The following GRK2 variants were observed in gnomAD, a reference collection of about 807,000 sequenced individuals.
GRK2 encodes adrenergic beta receptor kinase 1.
A neutral mutation model predicts 97.8 loss-of-function variants in GRK2; 23 were observed. That is an observed-to-expected ratio of 0.24 (90% confidence interval 0.17 to 0.33). The LOEUF is 0.33. Among genes scored for constraint, GRK2 ranks in the 10% least tolerant of loss-of-function variants. The pLI is 1.00. For missense variants in GRK2, 633 were observed against 956.9 expected, an observed-to-expected ratio of 0.66 and a Z score of 4.47; for synonymous variants, 425 against 381.7, an observed-to-expected ratio of 1.11 and a Z score of -1.32.
Position 67,276,911 on chromosome 11 carries a change from A to G in GRK2, c.114-361A>G, listed in dbSNP as rs1292993381. On this transcript the variant is annotated intron_variant, in intron 1 of 20. Transcript: ENST00000308595. This position sits in a 1 kb window ranked among gnomAD's most constrained non-coding sequence, Gnocchi z 4.2. ...ATGTGCTGCTGCGTGGAGATGCCAC[A>G]TGTGTGTCTTTTCATCCGCTCACAA... 4 of 189,510 alleles carry G rather than the reference A, an allele frequency of 2.1e-5. No homozygotes were observed. The highest frequency in any genetic ancestry group is 3.3e-5 in the Non-Finnish European group (3 of 90,772). 11.7% of individuals were successfully genotyped at this position (189,510 alleles called of 1,614,324 possible).
rs932504950 is a variant in GRK2 at position 67,269,003 on chromosome 11, G to A, written c.113+2191G>A. 3.3e-5 allele frequency among the ~76,000 whole-genome samples: 5 copies of A among 152,216 alleles called. No homozygotes were observed. The highest frequency in any genetic ancestry group is 5.9e-5 in the Non-Finnish European group (4 of 68,040). ...GTCACCATCAGCAGCATGGCCTTCC[G>A]CAAATCGCCCACATCTGTGAAACGG... On this transcript the variant is annotated intron_variant, in intron 1 of 20. Transcript: ENST00000308595. The surrounding 1 kb of genome is among the most constrained non-coding windows in gnomAD (Gnocchi z 4.1).
intron 2 of GRK2, among the ~76,000 whole-genome samples, chr11:67,278,233 C>T (rs527919582): frequency 1.5e-4 from 23 of 152,312 alleles, no homozygotes; most frequent in African/African-American, 5.1e-4. Flanking sequence ...AAATGATGGC[C>T]GCAGCTCTGA....
intron 2 of GRK2, 110 bp from the exon 3 acceptor site, chr11:67,279,090 T>C: frequency 1.1e-6 from 1 of 893,764 alleles, no homozygotes; most frequent in Middle Eastern, 3.3e-4. Context: ...AGACCACCTT[T>C]GCCACCTCCA....
In GRK2 at chr11:67,282,540, G is replaced by A; in HGVS notation, c.1158G>A (p.Arg386=). 1 of 1,613,382 alleles carries A rather than the reference G, an allele frequency of 6.2e-7. No homozygotes were observed. Among genetic ancestry groups the A allele is most frequent in the Non-Finnish European group, 8.5e-7 (1 of 1,179,824 alleles). The change falls in exon 13 of 21, where the codon CGG becomes CGA. Residue 386 remains arginine, a splice_region_variant and synonymous_variant. Transcript: ENST00000308595. The surrounding 1 kb of genome is among the most constrained non-coding windows in gnomAD (Gnocchi z 6.9). ...SLGCMLFKLL[R]GHSPFRQHKT... is the part of the protein sequence containing the mutation. ...GGTGCATGCTCTTCAAGTTGCTGCGGGGGTGAGTGGCCCATCCCAGGTGGG... is the reference window on the plus strand; with the variant it reads ...GGTGCATGCTCTTCAAGTTGCTGCGAGGGTGAGTGGCCCATCCCAGGTGGG...
chr11:67,282,891 GC>G lies in GRK2; in HGVS notation c.1227+74del. The G allele has an allele frequency of 6.7e-7, 1 of 1,490,664 alleles. No homozygotes were observed. The highest frequency in any genetic ancestry group is 9.1e-7 in the Non-Finnish European group (1 of 1,095,844). 92.3% of individuals were successfully genotyped at this position (1,490,664 alleles called of 1,614,324 possible). On this transcript the variant is annotated intron_variant, in intron 14 of 20. Transcript: ENST00000308595. This position sits in a 1 kb window ranked among gnomAD's most constrained non-coding sequence, Gnocchi z 6.9. ...CTGTGGGTGCCAGGCCATGACTCTT[GC>G]TTCCCACCAGCCAGCAGAGATCTGG...
intron 1 of GRK2, among the ~76,000 whole-genome samples, chr11:67,275,681 A>C (rs543355185): frequency 1.3e-5 from 2 of 151,856 alleles, no homozygotes; most frequent in Non-Finnish European, 2.9e-5. Flanking sequence ...CTCCTGCCCC[A>C]TTGGCCCCTT....
intron 15 of GRK2, 81 bp downstream of exon 15, chr11:67,283,309 C>T: frequency 2.4e-6 from 3 of 1,269,534 alleles, no homozygotes; most frequent in Non-Finnish European, 3.4e-6. Context: ...CTGGAACCCC[C>T]TCCAAGGTCC....
intron 1 of GRK2, among the ~76,000 whole-genome samples, chr11:67,267,940 G>C (rs1859831946): frequency 6.6e-6 from 1 of 152,224 alleles, no homozygotes; most frequent in African/African-American, 2.4e-5. Flanking sequence ...CATTTCATCA[G>C]CTACCCTGGC....
chr11:67,268,654 G>A (rs925670361), intron 1 of GRK2, among the ~76,000 whole-genome samples: 1 of 152,180 alleles, frequency 6.6e-6, no homozygotes, highest in African/African-American at 2.4e-5. Context: ...CTGATGGGGC[G>A]CCGCCTTGGC....
At position 67,284,694 on chromosome 11, in the gene GRK2, C is replaced by T. The variant is rs908108585; in HGVS notation, c.1655-153C>T. 3.0e-5 allele frequency: 32 copies of T among 1,051,476 alleles called. 1 individual carries two copies. Among genetic ancestry groups the T allele is most frequent in the Middle Eastern group, 6.3e-4 (2 of 3,156 alleles). 65.1% of individuals were successfully genotyped at this position (1,051,476 alleles called of 1,614,324 possible). ...CTCCCAGCTACCCGGGAGGCTGAGG[C>T]GGGAGGATCGTTTGAACCTGGGAGG... On this transcript the variant is annotated intron_variant, in intron 18 of 20. Transcript: ENST00000308595.
At chr11:67,275,970 G>A (rs1409820978) in intron 1 of GRK2, among the ~76,000 whole-genome samples, 7 of 152,232 alleles carry the variant, frequency 4.6e-5, no homozygotes, top group Admixed American at 4.6e-4. Context: ...TGTGCAGCGG[G>A]TCCTCGTGAC....
In GRK2 at chr11:67,284,944, C is replaced by T; in HGVS notation, c.1752C>T (p.Phe584=). Residue 584 remains phenylalanine, a synonymous_variant, in exon 19 of 21, where the codon TTC becomes TTT. Transcript: ENST00000308595. The stretch of plus-strand genomic sequence containing the variant: ...GGCAGCGGCGGTACTTCTACCTGTT[C>T]CCCAACCGCCTCGAGTGGCGGGGCG... ...TQWQRRYFYL[F]PNRLEWRGEG... 6.2e-7 allele frequency: 1 copy of T among 1,613,014 alleles called. No homozygotes were observed. The highest frequency in any genetic ancestry group is 8.5e-7 in the Non-Finnish European group (1 of 1,179,956).
In GRK2 at chr11:67,283,278, A is replaced by G. The variant is rs746205003; in HGVS notation, c.1328+50A>G. ...TGCTGCTGGCTGTGCCCCCATGAGGACAAGGGCTGTGTCCCGTCACCTGGA... is the reference window on the plus strand; with the variant it reads ...TGCTGCTGGCTGTGCCCCCATGAGGGCAAGGGCTGTGTCCCGTCACCTGGA... On this transcript the variant is annotated intron_variant, in intron 15 of 20. Transcript: ENST00000308595. 8 of 1,527,302 alleles carry G rather than the reference A, an allele frequency of 5.2e-6. 1 individual carries two copies. In the African/African-American group the frequency reaches 9.6e-5, roughly 18 times the overall value. The allele number at this position is 1,527,302 out of a possible 1,614,324, so 94.6% of individuals were successfully genotyped here. A position where few individuals can be genotyped will look rare whatever the true frequency, so the allele number is the denominator to read the frequency against.
rs969717565 is a variant in GRK2, at chr11:67,282,926, C to T, written c.1227+108C>T. The T allele has an allele frequency of 1.2e-5, 16 of 1,307,462 alleles. No homozygotes were observed. Among genetic ancestry groups the T allele is most frequent in the African/African-American group, 5.8e-5 (4 of 69,254 alleles). The allele number at this position is 1,307,462 out of a possible 1,614,324, so 81.0% of individuals were successfully genotyped here. On this transcript the variant is annotated intron_variant, in intron 14 of 20. Coordinates refer to ENST00000308595, the MANE Select transcript of GRK2 (RefSeq NM_001619.5). The surrounding 1 kb of genome is among the most constrained non-coding windows in gnomAD (Gnocchi z 6.9). ...AGCCAGCAGAGATCTGGGCCACTGA[C>T]CCCTACTCTGGCCTCTGAGACAGAC...
Position 67,283,170 on chromosome 11 carries a change from C to T in GRK2, c.1270C>T (p.Leu424=), listed in dbSNP as rs1466594576. Residue 424 remains leucine, a synonymous_variant, in exon 15 of 21, where the codon CTG becomes TTG. Transcript: ENST00000308595. The part of the protein sequence containing the change: ...PDSFSPELRS[L]LEGLLQRDVN... Reference sequence around the variant, plus strand: ...CTCCTTCTCCCCTGAACTACGCTCCCTGCTGGAGGGGTTGCTGCAGAGGGA... The same window carrying T: ...CTCCTTCTCCCCTGAACTACGCTCCTTGCTGGAGGGGTTGCTGCAGAGGGA... 7.4e-6 allele frequency: 12 copies of T among 1,614,030 alleles called. No individual in the cohort carries two copies. Among genetic ancestry groups the T allele is most frequent in the Non-Finnish European group, 1.0e-5 (12 of 1,179,972 alleles).
Position 67,281,827 on chromosome 11 carries a change from G to A in GRK2, c.832G>A (p.Asp278Asn). Residue 278 changes from aspartate to asparagine, a missense_variant, in exon 11 of 21, where the codon GAC (aspartate) becomes AAC (asparagine). Physicochemically the swap from Asp to Asn is conservative, Grantham distance 23. This residue lies in a region of GRK2 where 192 missense variants were observed against 362.3 expected (regional missense o/e 0.53). Transcript: ENST00000308595. The surrounding 1 kb of genome is among the most constrained non-coding windows in gnomAD (Gnocchi z 5.7). ...TGTGGGACTGCCTCCCTCAGGTGGG[G>A]ACCTGCACTACCACCTCTCCCAGCA... The part of the protein sequence containing the change: ...SFILDLMNGG[D>N]LHYHLSQHGV... 1 of 1,613,706 alleles carries A rather than the reference G, an allele frequency of 6.2e-7. No homozygotes were observed. Among genetic ancestry groups the A allele is most frequent in the Non-Finnish European group, 8.5e-7 (1 of 1,179,988 alleles).
chr11:67,286,027 T>G lies in GRK2; in HGVS notation c.*577T>G, dbSNP rs1860273373. The G allele has an allele frequency of 1.8e-5, 5 of 284,528 alleles. No homozygotes were observed. In the South Asian group the frequency reaches 2.2e-4, roughly 12 times the overall value. 17.6% of individuals were successfully genotyped at this position (284,528 alleles called of 1,614,324 possible). On this transcript the variant is annotated 3_prime_UTR_variant, in exon 21 of 21. Coordinates refer to ENST00000308595, the MANE Select transcript of GRK2 (RefSeq NM_001619.5). ...GTCACTGGCTGCCTCCACTCCCACTTCCCTGACACTGCGGGGCTTGGCTGA... is the reference window on the plus strand; with the variant it reads ...GTCACTGGCTGCCTCCACTCCCACTGCCCTGACACTGCGGGGCTTGGCTGA...
intron 1 of GRK2, 32 bp downstream of exon 1, chr11:67,266,844 AC>A: frequency 9.0e-7 from 1 of 1,107,766 alleles, no homozygotes; most frequent in South Asian, 3.5e-5. Context: ...CCCCGGCCCG[AC>A]CCCGCGGGCG....
Position 67,283,735 on chromosome 11 carries a change from T to C in GRK2, c.1357T>C (p.Phe453Leu). 1.2e-6 allele frequency: 2 copies of C among 1,613,674 alleles called. No homozygotes were observed. The highest frequency in any genetic ancestry group is 4.5e-5 in the East Asian group (2 of 44,874). The part of the protein sequence containing the change: ...GAQEVKESPF[F>L]RSLDWQMVFL... ...TCAGGAGGTGAAAGAGAGCCCCTTT[T>C]TCCGCTCCCTGGACTGGCAGATGGT... Residue 453 changes from phenylalanine to leucine, a missense_variant, in exon 16 of 21, where the codon TTC becomes CTC. By Grantham distance (22) the Phe-to-Leu change is conservative. Transcript: ENST00000308595.
Sources: gnomAD v4.1 joint callset for allele counts (sites outside exome capture counted in the v4.1 genomes callset) on GRCh38, gnomAD v4.1.1 for gene constraint, gnomAD v4.1.1 regional missense constraint, Gnocchi (gnomAD v3.1) non-coding constraint, MANE v1.5 for transcripts, NCBI Gene and HGNC (gene_info 2026-07-23, HGNC 2026-07-21) for gene names.